The following CELF2 variants were observed in gnomAD, a reference collection of about 807,000 sequenced individuals.
The protein encoded by CELF2 is CUGBP Elav-like family member 2, also known as CUG triplet repeat RNA-binding protein 2.
A neutral mutation model predicts 62.6 loss-of-function variants in CELF2; 8 were observed. That is an observed-to-expected ratio of 0.13 (90% CI 0.07 to 0.23). The LOEUF is 0.23. Ranked by LOEUF, CELF2 falls within the 10% of genes least tolerant of loss-of-function variation. The pLI is 1.00. For synonymous variants in CELF2, 258 were observed against 250.0 expected (o/e 1.03, Z -0.30); for missense variants, 333 against 671.0 (o/e 0.50, Z 5.56).
At chr10:10,643,836 G>T in the CELF2 span, among the ~76,000 whole-genome samples, 1 of 152,172 alleles carries the variant, frequency 6.6e-6, no homozygotes, top group African/African-American at 2.4e-5. Context: ...ACAGTCTTAA[G>T]TGGCAATTTC....
chr10:11,202,523 G>C (rs549343256), intron 2 of CELF2, among the ~76,000 whole-genome samples: 5 of 152,248 alleles, frequency 3.3e-5, no homozygotes, highest in African/African-American at 1.2e-4. Flanking sequence ...AGTCAAATGG[G>C]TCAAGTCCTT....
At position 10,866,899 on chromosome 10, in the gene CELF2, G is replaced by GA. The variant is rs550554015; in HGVS notation, c.54-53064dup. ...CACACCGTTGCACTCCAGCCTGGGT[G>GA]ACAAGAGTGAAACTCCTTCTCAAAA... On this transcript the variant is annotated intron_variant, in intron 1 of 13. Transcript: ENST00000636488. Among the ~76,000 whole-genome samples the GA allele has an allele frequency of 4.2e-3, 567 of 136,194 alleles. 4 individuals are homozygous for GA. Among genetic ancestry groups the GA allele is most frequent in the South Asian group, 0.018 (77 of 4,184 alleles). 89.3% of individuals were successfully genotyped at this position (136,194 alleles called of 152,430 possible). A position where few individuals can be genotyped will look rare whatever the true frequency, so the allele number is the denominator to read the frequency against.
chr10:10,658,133 A>T, the CELF2 span, among the ~76,000 whole-genome samples: 3 of 152,134 alleles, frequency 2.0e-5, no homozygotes, highest in African/African-American at 7.2e-5. Flanking sequence ...GTTACTTAAA[A>T]ATTCCTGTCT....
chr10:10,672,503 T>TA, the CELF2 span, among the ~76,000 whole-genome samples: 10 of 145,284 alleles, frequency 6.9e-5, no homozygotes, highest in Non-Finnish European at 1.4e-4. Flanking sequence ...TTTTTTTTTT[T>TA]TAATTGCATA....
the CELF2 span, among the ~76,000 whole-genome samples, chr10:10,774,888 T>A: frequency 0.082 from 12,441 of 151,346 alleles, 576 homozygotes; most frequent in African/African-American, 0.12. Context: ...TATTTATTTT[T>A]TTTTTTTTGA....
At chr10:11,276,831 G>A (rs1392191071) in intron 8 of CELF2, among the ~76,000 whole-genome samples, 1 of 152,248 alleles carries the variant, frequency 6.6e-6, no homozygotes, top group Non-Finnish European at 1.5e-5. Flanking sequence ...CACAGGTCAG[G>A]ATGCCAGCCC....
chr10:10,527,951 G>A, the CELF2 span, among the ~76,000 whole-genome samples: 1 of 152,160 alleles, frequency 6.6e-6, no homozygotes, highest in African/African-American at 2.4e-5. Context: ...CATTTTGAAA[G>A]GGCTTTTCCA....
At chr10:10,984,841 C>T (rs2052551470) in intron 2 of CELF2, among the ~76,000 whole-genome samples, 1 of 152,104 alleles carries the variant, frequency 6.6e-6, no homozygotes, top group South Asian at 2.1e-4. Flanking sequence ...CACATTCATA[C>T]CTTGACTGGA....
chr10:11,303,415 A>T lies in CELF2; in HGVS notation c.977-10724A>T, dbSNP rs967620237. ...CATCCAGTCGCCACTCTGGGGAAGA[A>T]GATGTTGAATCTTCATTGCAAGTGC... On this transcript the variant is annotated intron_variant, in intron 9 of 12. Transcript: ENST00000633077. Among the ~76,000 whole-genome samples the T allele has an allele frequency of 2.6e-5, 4 of 152,222 alleles. No homozygotes were observed. The East Asian group carries it at 5.8e-4, about 22-fold the overall frequency.
the CELF2 span, among the ~76,000 whole-genome samples, chr10:10,790,975 C>T: frequency 6.6e-6 from 1 of 152,046 alleles, no homozygotes; most frequent in Non-Finnish European, 1.5e-5. Context: ...GCTTAGTTTC[C>T]TCACCTATAA....
At chr10:11,056,294 G>A (rs572946761) in intron 1 of CELF2, among the ~76,000 whole-genome samples, 1 of 152,328 alleles carries the variant, frequency 6.6e-6, no homozygotes, top group East Asian at 1.9e-4. Context: ...AGGCTTTGTT[G>A]TTTCTGCAGG....
chr10:10,724,965 G>C, the CELF2 span, among the ~76,000 whole-genome samples: 43 of 152,306 alleles, frequency 2.8e-4, 1 homozygote, highest in African/African-American at 1.0e-3. Context: ...AAACCTAGAA[G>C]GTGGCAGCTA....
intron 1 of CELF2, among the ~76,000 whole-genome samples, chr10:11,056,649 CA>C (rs1270221664): frequency 1.3e-5 from 2 of 152,088 alleles, no homozygotes; most frequent in African/African-American, 4.8e-5. Flanking sequence ...GTTTACAAAG[CA>C]TATTGATTTA....
chr10:10,599,163 A>C, the CELF2 span, among the ~76,000 whole-genome samples: 1 of 152,154 alleles, frequency 6.6e-6, no homozygotes, highest in Admixed American at 6.5e-5. Context: ...GAGTATTATT[A>C]ATTAGTATAA....
At position 10,947,220 on chromosome 10, in the gene CELF2, C is replaced by T. The variant is rs964559821; in HGVS notation, c.89+27221C>T. 7 of 152,334 alleles carry T rather than the reference C, an allele frequency of 4.6e-5. No individual in the cohort carries two copies. The highest frequency in any genetic ancestry group is 1.7e-4 in the African/African-American group (7 of 41,458). The allele number at this position is 152,334 out of a possible 1,614,324, so 9.4% of individuals were successfully genotyped here. On this transcript the variant is annotated intron_variant, in intron 2 of 13. Transcript: ENST00000636488. This position sits in a 1 kb window ranked among gnomAD's most constrained non-coding sequence, Gnocchi z 4.1. ...AAAGCTCAGCACACACTTACTCTAACCAGTCCTTCACCTGCTGCACAAAAT... is the reference window on the plus strand; with the variant it reads ...AAAGCTCAGCACACACTTACTCTAATCAGTCCTTCACCTGCTGCACAAAAT...
chr10:10,753,220 A>G, the CELF2 span, among the ~76,000 whole-genome samples: 1 of 152,082 alleles, frequency 6.6e-6, no homozygotes, highest in Non-Finnish European at 1.5e-5. Context: ...ATTATCATAG[A>G]AAGTTTATGT....
intron 2 of CELF2, among the ~76,000 whole-genome samples, chr10:10,920,668 A>G (rs2064810268): frequency 6.6e-6 from 1 of 151,984 alleles, no homozygotes; most frequent in Non-Finnish European, 1.5e-5. Flanking sequence ...GATGATTACC[A>G]GCATTTAATG....
chr10:10,683,054 T>C, the CELF2 span, among the ~76,000 whole-genome samples: 1 of 152,212 alleles, frequency 6.6e-6, no homozygotes, highest in Admixed American at 6.5e-5. Context: ...TAATTTCAAG[T>C]ATCAAAATAG....
intron 2 of CELF2, among the ~76,000 whole-genome samples, chr10:11,180,930 C>T (rs61830863): frequency 0.032 from 4,847 of 152,292 alleles, 137 homozygotes; most frequent in South Asian, 0.089. Flanking sequence ...AGTGCAATGA[C>T]GCGATCTCGG....
Sources: allele counts gnomAD v4.1 joint callset (sites outside exome capture counted in the v4.1 genomes callset), GRCh38; gene constraint gnomAD v4.1.1; non-coding constraint Gnocchi (gnomAD v3.1); transcripts MANE v1.5; gene names NCBI Gene and HGNC (gene_info 2026-07-23, HGNC 2026-07-21).